Variants in AAMDC observed in about 807,000 individuals in gnomAD.
AAMDC encodes the protein mth938 domain-containing protein.
In AAMDC, 16 loss-of-function variants were observed where a neutral mutation model predicts 15.5. The ratio of observed to expected loss-of-function variants is 1.03; its 90% confidence interval spans 0.70 to 1.57. The LOEUF (loss-of-function observed/expected upper bound fraction) is 1.57, where lower values mean the gene tolerates loss of function less well. Among genes scored for constraint, AAMDC ranks in the 40% most tolerant of loss-of-function variants. The pLI is 0.00. For synonymous variants in AAMDC, 51 were observed against 51.6 expected (o/e 0.99, Z 0.05); for missense variants, 141 against 144.9 (o/e 0.97, Z 0.14).
downstream of AAMDC, chr11:77,900,841 T>C (rs997030227): frequency 1.8e-6 from 1 of 556,742 alleles, no homozygotes; most frequent in African/African-American, 1.9e-5. Flanking sequence ...TTATTACGTA[T>C]CAAGTACCAT....
In AAMDC at chr11:77,832,475, C is replaced by T. The variant is rs147065112; in HGVS notation, c.-18-10004C>T. 2.9e-3 allele frequency among the ~76,000 whole-genome samples: 437 copies of T among 151,782 alleles called. 5 individuals carry two copies. The highest frequency in any genetic ancestry group is 0.01 in the African/African-American group (418 of 41,412). Reference sequence around the variant, plus strand: ...CCCAGTAGCTGGGATTACAGGCATGCGCCACCATGCCCACCTAATTTTGTA... The same window carrying T: ...CCCAGTAGCTGGGATTACAGGCATGTGCCACCATGCCCACCTAATTTTGTA... On this transcript the variant is annotated intron_variant, in intron 1 of 3. Transcript: ENST00000393427.
At chr11:77,881,417 A>G (rs1951787026) in intron 5 of AAMDC, among the ~76,000 whole-genome samples, 1 of 152,176 alleles carries the variant, frequency 6.6e-6, no homozygotes, top group Non-Finnish European at 1.5e-5. Flanking sequence ...GGAGAAAGAA[A>G]CTGCAAGCTC....
Position 77,832,430 on chromosome 11 carries a change from G to A in AAMDC, c.-18-10049G>A, listed in dbSNP as rs551764246. Among the ~76,000 whole-genome samples the A allele has an allele frequency of 5.9e-5, 9 of 151,764 alleles. No individual in the cohort carries two copies. The South Asian group carries it at 1.2e-3, about 21-fold the overall frequency. ...CAACCTCCGCCTCCCGGGTTCAAGC[G>A]ATTCTTCTGCCTCAGCCTCCCCAGT... is the stretch of plus-strand genomic sequence containing the variant. On this transcript the variant is annotated intron_variant, in intron 1 of 3. Coordinates refer to ENST00000393427, the MANE Select transcript of AAMDC (RefSeq NM_024684.4).
chr11:77,842,115 T>G (rs1435448764), intron 1 of AAMDC, among the ~76,000 whole-genome samples: 1 of 152,166 alleles, frequency 6.6e-6, no homozygotes, highest in African/African-American at 2.4e-5. Context: ...ATTTCTAGAG[T>G]GACAAATTTT....
At chr11:77,832,241 A>G (rs545283039) in intron 1 of AAMDC, among the ~76,000 whole-genome samples, 11 of 152,102 alleles carry the variant, frequency 7.2e-5, no homozygotes, top group South Asian at 4.2e-4. Flanking sequence ...CATCAACATC[A>G]TATATTTCTG....
rs10687244 is a variant in AAMDC, at chr11:77,883,075, A to AAATAATAAT, written c.328+6043_328+6051dup. Among the ~76,000 whole-genome samples the AAATAATAAT allele has an allele frequency of 5.4e-3, 798 of 148,312 alleles. 2 individuals carry two copies. The highest frequency in any genetic ancestry group is 6.9e-3 in the African/African-American group (278 of 40,188). ...TGGGCAAGAGCAAGACTCCGTCTCA[A>AAATAATAAT]AATAATAATAATAATAATAATAATA... is the stretch of plus-strand genomic sequence containing the variant. On this transcript the variant is annotated intron_variant, in intron 5 of 5. Transcript: ENST00000304716.
intron 1 of AAMDC, among the ~76,000 whole-genome samples, chr11:77,839,024 A>G (rs1012881657): frequency 3.3e-5 from 5 of 152,088 alleles, no homozygotes; most frequent in Non-Finnish European, 5.9e-5. Flanking sequence ...CATTGTTACC[A>G]TATTTTTGTT....
At chr11:77,838,087 T>G (rs889352778) in intron 1 of AAMDC, among the ~76,000 whole-genome samples, 11 of 152,136 alleles carry the variant, frequency 7.2e-5, no homozygotes, top group Admixed American at 7.2e-4. Flanking sequence ...ATATTAATAA[T>G]AAGTTGAACT....
intron 2 of AAMDC, chr11:77,866,473 G>C (rs1255618224): frequency 5.3e-5 from 8 of 152,172 alleles, no homozygotes; most frequent in Admixed American, 3.3e-4. Context: ...TGGATCCACA[G>C]GCCCTTGCAG....
chr11:77,884,128 T>A (rs1951897492), intron 5 of AAMDC, among the ~76,000 whole-genome samples: 1 of 152,166 alleles, frequency 6.6e-6, no homozygotes, highest in Non-Finnish European at 1.5e-5. Context: ...TAATCCAGCA[T>A]GAAGCAGTGT....
chr11:77,882,551 C>A (rs1951834280), intron 5 of AAMDC, among the ~76,000 whole-genome samples: 1 of 152,212 alleles, frequency 6.6e-6, no homozygotes, highest in South Asian at 2.1e-4. Flanking sequence ...AATAAGGAAT[C>A]TATTTTCCTG....
chr11:77,843,216 T>G (rs1324724765), intron 2 of AAMDC, among the ~76,000 whole-genome samples: 4 of 152,230 alleles, frequency 2.6e-5, no homozygotes, highest in African/African-American at 9.6e-5. Flanking sequence ...TAGAACCATC[T>G]TATTAGGTGT....
At chr11:77,894,104 A>G (rs1952403065) in intron 5 of AAMDC, among the ~76,000 whole-genome samples, 1 of 152,172 alleles carries the variant, frequency 6.6e-6, no homozygotes, top group African/African-American at 2.4e-5. Context: ...TTTCTATAAC[A>G]TTAAGGAAAA....
chr11:77,904,831 T>C (rs1401080934), downstream of AAMDC, among the ~76,000 whole-genome samples: 4 of 152,216 alleles, frequency 2.6e-5, no homozygotes, highest in African/African-American at 9.6e-5. Flanking sequence ...TGCAGGATAG[T>C]TGCATCATGT....
At chr11:77,872,149 T>G (rs749305430) in intron 3 of AAMDC, 26 bp from the exon 4 acceptor site, 1 of 1,605,648 alleles carries the variant, frequency 6.2e-7, no homozygotes, top group African/African-American at 1.3e-5. Flanking sequence ...TCCCCCTACT[T>G]ACTCATCTCT....
At chr11:77,841,532 C>T (rs1041891146) in intron 1 of AAMDC, among the ~76,000 whole-genome samples, 2 of 152,124 alleles carry the variant, frequency 1.3e-5, no homozygotes, top group Admixed American at 6.5e-5. Context: ...CAGGGGAGTG[C>T]GTTCAAAGTC....
At chr11:77,881,136 T>C (rs574088193) in intron 5 of AAMDC, among the ~76,000 whole-genome samples, 1 of 152,278 alleles carries the variant, frequency 6.6e-6, no homozygotes, top group Admixed American at 6.5e-5. Flanking sequence ...GACAAGATCA[T>C]CTAGGATAAC....
chr11:77,903,863 G>A (rs1384243716), downstream of AAMDC, among the ~76,000 whole-genome samples: 1 of 152,110 alleles, frequency 6.6e-6, no homozygotes, highest in Non-Finnish European at 1.5e-5. Flanking sequence ...TCCCAGATCA[G>A]TGCTTCTGGA....
intron 1 of AAMDC, among the ~76,000 whole-genome samples, chr11:77,826,332 G>C (rs1949171399): frequency 6.6e-6 from 1 of 151,678 alleles, no homozygotes; most frequent in Admixed American, 6.6e-5. Context: ...ATTGCACTCT[G>C]GCCTGGGTGA....
Sources: allele counts gnomAD v4.1 joint callset (sites outside exome capture counted in the v4.1 genomes callset), GRCh38; gene constraint gnomAD v4.1.1; transcripts MANE v1.5; gene names NCBI Gene and HGNC (gene_info 2026-07-23, HGNC 2026-07-21).